ADGRB1: variants seen among roughly 807,000 people sequenced by gnomAD.
ADGRB1 encodes adhesion G protein-coupled receptor B1, also known as brain-specific angiogenesis inhibitor 1.
ADGRB1 carries 36 observed loss-of-function variants against 175.7 expected under a neutral mutation model. The observed-to-expected ratio is 0.20, with a 90% CI of 0.16 to 0.27. The LOEUF (loss-of-function observed/expected upper bound fraction) is 0.27, where lower values mean the gene tolerates loss of function less well. ADGRB1 is among the 10% of genes least tolerant of loss of function. ADGRB1 has a pLI of 1.00. For missense variants in ADGRB1, 1,731 were observed against 2,255.3 expected (o/e 0.77, Z 4.71); for synonymous variants, 1,054 against 979.4 (o/e 1.08, Z -1.42).
chr8:142,497,070 C>T (rs963835022), intron 17 of ADGRB1, among the ~76,000 whole-genome samples: 8 of 152,268 alleles, frequency 5.3e-5, no homozygotes, highest in Non-Finnish European at 1.2e-4. Context: ...AGAGCTGCCT[C>T]ACTCAGTGCA....
In ADGRB1 at chr8:142,501,259, A is replaced by AGTG. The variant is rs556552062; in HGVS notation, c.2676-9657_2676-9655dup. Among the ~76,000 whole-genome samples, 44 of 145,340 alleles carry AGTG rather than the reference A, an allele frequency of 3.0e-4. 1 individual carries two copies. The South Asian group carries it at 9.8e-3, about 32-fold the overall frequency. On this transcript the variant is annotated intron_variant, in intron 17 of 30. Transcript: ENST00000517894. ...TGGTAATGACTGTGCTGTTAATGGC[A>AGTG]GTGGTGGTGGTGGTGGTGATGATGG... is the stretch of plus-strand genomic sequence containing the variant.
chr8:142,517,631 T>TC (rs983722503), intron 18 of ADGRB1, among the ~76,000 whole-genome samples: 7 of 151,830 alleles, frequency 4.6e-5, no homozygotes, highest in Non-Finnish European at 1.0e-4. Flanking sequence ...TCGGGATGTG[T>TC]CCGGGCTGTG....
At chr8:142,482,938 C>G (rs1841439391) in intron 11 of ADGRB1, among the ~76,000 whole-genome samples, 1 of 150,704 alleles carries the variant, frequency 6.6e-6, no homozygotes, top group Non-Finnish European at 1.5e-5. Context: ...AGCCCTGATC[C>G]TGATCATACA....
At chr8:142,479,150 C>A in intron 7 of ADGRB1, 173 bp from the exon 8 acceptor site, 1 of 665,252 alleles carries the variant, frequency 1.5e-6, no homozygotes, top group Non-Finnish European at 2.2e-6. Context: ...CTGATTTCTC[C>A]TCTCCTGGTC....
intron 11 of ADGRB1, 39 bp from the exon 12 acceptor site, chr8:142,483,938 C>G (rs764361646): frequency 1.2e-6 from 2 of 1,608,312 alleles, no homozygotes; most frequent in Non-Finnish European, 1.7e-6. Context: ...ATTTTGTGCC[C>G]TGTTCTCTGT....
intron 14 of ADGRB1, 115 bp from the exon 15 acceptor site, chr8:142,488,920 G>A (rs73714305): frequency 0.59 from 758,352 of 1,292,540 alleles, 226,870 homozygotes; most frequent in Middle Eastern, 0.62. Flanking sequence ...GGCCCTGGAC[G>A]CGACCTTGAA....
At position 142,464,294 on chromosome 8, in the gene ADGRB1, C is replaced by T. The variant is rs757709400; in HGVS notation, c.96C>T (p.Ala32=). 1.1e-5 allele frequency: 15 copies of T among 1,377,534 alleles called. No individual in the cohort carries two copies. In the East Asian group the frequency reaches 4.3e-4, roughly 40 times the overall value. 85.3% of individuals were successfully genotyped at this position (1,377,534 alleles called of 1,614,324 possible). Residue 32 remains alanine (A), a synonymous_variant, in exon 2 of 31, where the codon GCC becomes GCT. Transcript: ENST00000517894. The part of the protein sequence containing the change: ...LLLGRRARAA[A]GADAGPGPEP... ...TGGGACGCCGCGCGCGGGCGGCCGC[C>T]GGAGCAGACGCGGGGCCCGGGCCCG...
chr8:142,529,651 CGTGT>C (rs139599954), intron 24 of ADGRB1, among the ~76,000 whole-genome samples: 1 of 130,924 alleles, frequency 7.6e-6, no homozygotes, highest in Non-Finnish European at 1.6e-5. Context: ...TCTGTATATG[CGTGT>C]GTGAGTGTGC....
chr8:142,507,316 G>A (rs1842894962), intron 17 of ADGRB1, among the ~76,000 whole-genome samples: 1 of 152,196 alleles, frequency 6.6e-6, no homozygotes, highest in Non-Finnish European at 1.5e-5. Flanking sequence ...AGGAGGTAGA[G>A]AGGCTGAGGA....
At chr8:142,457,368 G>A (rs1839737539) in intron 1 of ADGRB1, among the ~76,000 whole-genome samples, 1 of 152,204 alleles carries the variant, frequency 6.6e-6, no homozygotes, top group Non-Finnish European at 1.5e-5. Flanking sequence ...CTTGGCACAG[G>A]ACAGGGCCCC....
At position 142,504,986 on chromosome 8, in the gene ADGRB1, GCA is replaced by G. The variant is rs1842782894; in HGVS notation, c.2676-5943_2676-5942del. Among the ~76,000 whole-genome samples the G allele has an allele frequency of 1.4e-5, 2 of 146,398 alleles. No homozygotes were observed. The highest frequency in any genetic ancestry group is 1.5e-5 in the Non-Finnish European group (1 of 67,308). On this transcript the variant is annotated intron_variant, in intron 17 of 30. Coordinates refer to ENST00000517894, the MANE Select transcript of ADGRB1 (RefSeq NM_001702.3). The surrounding 1 kb of genome is among the most constrained non-coding windows in gnomAD (Gnocchi z 5.6). ...TCAAATCCAAGGGGACCCCGACAGC[GCA>G]CAGTCCCATAATAGCACCTGCTTCG...
At chr8:142,540,750 C>G (rs1301724613) in intron 27 of ADGRB1, among the ~76,000 whole-genome samples, 1 of 151,736 alleles carries the variant, frequency 6.6e-6, no homozygotes, top group Non-Finnish European at 1.5e-5. Context: ...CCCGAGAGTG[C>G]TGTGGCTGTC....
At chr8:142,502,976 G>A (rs1285538740) in intron 17 of ADGRB1, among the ~76,000 whole-genome samples, 3 of 151,826 alleles carry the variant, frequency 2.0e-5, no homozygotes, top group Admixed American at 6.6e-5. Context: ...TGGTAATGAT[G>A]GTGTTGATAA....
rs1843920106 is a variant in ADGRB1 at position 142,522,623 on chromosome 8, T to C, written c.3176-18T>C. 1.3e-6 allele frequency: 2 copies of C among 1,545,740 alleles called. No individual in the cohort carries two copies. The highest frequency in any genetic ancestry group is 1.7e-6 in the Non-Finnish European group (2 of 1,146,454). ...GGACTTGGGTGGGGCCAACACCCTC[T>C]CTCTGCTCCTTCTCCAGGGCTCCCT... On this transcript the variant is annotated intron_variant, in intron 21 of 30. Transcript: ENST00000517894.
intron 18 of ADGRB1, among the ~76,000 whole-genome samples, chr8:142,514,171 G>A (rs977498058): frequency 5.9e-5 from 9 of 152,058 alleles, no homozygotes; most frequent in African/African-American, 1.9e-4. Flanking sequence ...CTGTGGCTTC[G>A]GGGGTTCAGA....
In ADGRB1 at chr8:142,544,661, C is replaced by T; in HGVS notation, c.*244C>T. On this transcript the variant is annotated 3_prime_UTR_variant, in exon 31 of 31. Coordinates refer to ENST00000517894, the MANE Select transcript of ADGRB1 (RefSeq NM_001702.3). ...GGCCGAAGGTGCCTCAGACTCCGCC[C>T]TCCTCGGGCCGAGGCCCAGCGGGCA... 2 of 394,276 alleles carry T rather than the reference C, an allele frequency of 5.1e-6. No individual in the cohort carries two copies. The highest frequency in any genetic ancestry group is 7.0e-5 in the South Asian group (1 of 14,312). The allele number at this position is 394,276 out of a possible 1,614,324, so 24.4% of individuals were successfully genotyped here.
intron 2 of ADGRB1, among the ~76,000 whole-genome samples, chr8:142,469,727 A>G (rs111851203): frequency 6.8e-6 from 1 of 147,302 alleles, no homozygotes; most frequent in African/African-American, 2.5e-5. Context: ...GTGCATGCAC[A>G]TGCATGTGTG....
At position 142,510,992 on chromosome 8, in the gene ADGRB1, GC is replaced by G; in HGVS notation, c.2740del (p.Leu914SerfsTer19). ...GGTCGTGGCGCGGCTGCCGCACGGT[GC>G]CCCTCGACGCCCTCCGGACGCGCTG... ...PWSWRGCRTV[P>X]LDALRTRCLC... On this transcript the variant is annotated frameshift_variant, in exon 18 of 31. Transcript: ENST00000517894. LOFTEE classifies it high-confidence loss of function. The surrounding 1 kb of genome is among the most constrained non-coding windows in gnomAD (Gnocchi z 6.3). The G allele has an allele frequency of 2.3e-6, 3 of 1,324,634 alleles. No individual in the cohort carries two copies. Among genetic ancestry groups the G allele is most frequent in the East Asian group, 4.2e-5 (1 of 23,762 alleles). 82.1% of individuals were successfully genotyped at this position (1,324,634 alleles called of 1,614,324 possible). A position where few individuals can be genotyped will look rare whatever the true frequency, so the allele number is the denominator to read the frequency against.
rs1386474809 is a variant in ADGRB1 at position 142,464,151 on chromosome 8, G to A, written c.-48G>A. On this transcript the variant is annotated 5_prime_UTR_variant, in exon 2 of 31. Coordinates refer to ENST00000517894, the MANE Select transcript of ADGRB1 (RefSeq NM_001702.3). ...ACCCTGGCATGTCAAGACCTGGTCCGCGCCTGCCTGCCCAGCCCGCGGAAC... is the reference window on the plus strand; with the variant it reads ...ACCCTGGCATGTCAAGACCTGGTCCACGCCTGCCTGCCCAGCCCGCGGAAC... 20 of 1,062,834 alleles carry A rather than the reference G, an allele frequency of 1.9e-5. No homozygotes were observed. Among genetic ancestry groups the A allele is most frequent in the Non-Finnish European group, 2.2e-5 (19 of 883,534 alleles). 65.8% of individuals were successfully genotyped at this position (1,062,834 alleles called of 1,614,324 possible).
Sources: allele counts gnomAD v4.1 joint callset (sites outside exome capture counted in the v4.1 genomes callset), GRCh38; gene constraint gnomAD v4.1.1; non-coding constraint Gnocchi (gnomAD v3.1); transcripts MANE v1.5; gene names NCBI Gene and HGNC (gene_info 2026-07-23, HGNC 2026-07-21).